Variants in GRIA3 observed in about 807,000 individuals in gnomAD.
GRIA3 encodes glutamate ionotropic receptor AMPA type subunit 3.
GRIA3 carries 3 observed loss-of-function variants against 63.0 expected under a neutral mutation model. That is an observed-to-expected ratio of 0.05 (90% CI 0.02 to 0.12). GRIA3 has a LOEUF of 0.12. GRIA3 is among the 10% of genes least tolerant of loss of function. The pLI is 1.00. For missense variants in GRIA3, 347 were observed against 700.9 expected, an observed-to-expected ratio of 0.50 and a Z score of 5.70; for synonymous variants, 274 against 257.9, an observed-to-expected ratio of 1.06 and a Z score of -0.60.
chrX:123,341,432 G>A (rs1175846743), intron 4 of GRIA3, among the ~76,000 whole-genome samples: 3 of 111,160 alleles, frequency 2.7e-5, no homozygotes, highest in African/African-American at 9.8e-5. Context: ...ACACTGAAAG[G>A]AAACCCAAGC....
At chrX:123,281,766 T>C (rs1193063955) in intron 3 of GRIA3, among the ~76,000 whole-genome samples, 1 of 111,920 alleles carries the variant, frequency 8.9e-6, no homozygotes, top group Non-Finnish European at 1.9e-5. Context: ...GATCAACTGA[T>C]AAAATTTTAA....
chrX:123,428,319 C>T (rs1251480327), intron 12 of GRIA3, among the ~76,000 whole-genome samples, 180 bp downstream of exon 12: 2 of 110,940 alleles, frequency 1.8e-5, no homozygotes, highest in Non-Finnish European at 3.8e-5. Flanking sequence ...AGAACCAAGA[C>T]TTGAGTAAGA....
intron 12 of GRIA3, among the ~76,000 whole-genome samples, chrX:123,445,707 A>C (rs1165031255): frequency 8.9e-6 from 1 of 112,503 alleles, no homozygotes; most frequent in Admixed American, 9.5e-5. Flanking sequence ...GAAAGCAATA[A>C]ATAGTAATTA....
intron 3 of GRIA3, among the ~76,000 whole-genome samples, chrX:123,258,606 C>T (rs922281688): frequency 7.2e-5 from 8 of 111,812 alleles, no homozygotes; most frequent in African/African-American, 2.3e-4. Flanking sequence ...GCCAGACTCT[C>T]GTGCACCTGA....
intron 2 of GRIA3, among the ~76,000 whole-genome samples, chrX:123,187,832 T>C (rs1250472962): frequency 9.0e-6 from 1 of 111,695 alleles, no homozygotes; most frequent in Non-Finnish European, 1.9e-5. Flanking sequence ...TCAGAAATGA[T>C]TCTTGCCATG....
intron 2 of GRIA3, among the ~76,000 whole-genome samples, chrX:123,242,265 C>G (rs1374549408): frequency 9.0e-6 from 1 of 111,575 alleles, no homozygotes; most frequent in East Asian, 2.8e-4. Context: ...GTTTGGGGAC[C>G]CATCTCACCC....
intron 5 of GRIA3, among the ~76,000 whole-genome samples, chrX:123,385,385 G>A (rs776788917): frequency 1.8e-5 from 2 of 111,499 alleles, no homozygotes; most frequent in East Asian, 2.8e-4. Flanking sequence ...TTTTGGTTAC[G>A]GTATCCCTGT....
intron 3 of GRIA3, among the ~76,000 whole-genome samples, chrX:123,259,693 A>G (rs1335042621): frequency 9.0e-6 from 1 of 111,680 alleles, no homozygotes; most frequent in African/African-American, 3.3e-5. Flanking sequence ...CATCTTTACA[A>G]CTGAGGAAAC....
chrX:123,415,244 C>T (rs1277118904), intron 10 of GRIA3, among the ~76,000 whole-genome samples: 2 of 111,727 alleles, frequency 1.8e-5, no homozygotes, highest in African/African-American at 3.3e-5. Context: ...TCTTTTGCTG[C>T]TAATCTAGGA....
chrX:123,412,057 A>T (rs1378769869), intron 10 of GRIA3, among the ~76,000 whole-genome samples: 1 of 111,861 alleles, frequency 8.9e-6, no homozygotes, highest in Non-Finnish European at 1.9e-5. Flanking sequence ...AAGAGCAGAG[A>T]CTAGGAAAGG....
In GRIA3 at chrX:123,462,136, C is replaced by G. The variant is rs144476426; in HGVS notation, c.2077-2729C>G. ...CTCCCACCCTAGTCCAAGCCACAGT[C>G]ATCTCCCCTCTGGAATATCAGAATA... On this transcript the variant is annotated intron_variant, in intron 12 of 15. Transcript: ENST00000620443. Among the ~76,000 whole-genome samples, 215 of 111,354 alleles carry G rather than the reference C, an allele frequency of 1.9e-3. 1 individual carries two copies. Among genetic ancestry groups the G allele is most frequent in the African/African-American group, 6.4e-3 (195 of 30,665 alleles).
chrX:123,295,508 C>T, intron 3 of GRIA3, among the ~76,000 whole-genome samples: 1 of 111,061 alleles, frequency 9.0e-6, no homozygotes, highest in Non-Finnish European at 1.9e-5. Flanking sequence ...TAACAAATGG[C>T]ATGGAGGGGT....
chrX:123,235,908 G>C (rs1320811879), intron 2 of GRIA3, among the ~76,000 whole-genome samples: 1 of 110,611 alleles, frequency 9.0e-6, no homozygotes, highest in Non-Finnish European at 1.9e-5. Context: ...AAGATTCTTA[G>C]TGAAGGTGAA....
At chrX:123,379,551 G>T (rs1434314870) in intron 5 of GRIA3, among the ~76,000 whole-genome samples, 1 of 107,286 alleles carries the variant, frequency 9.3e-6, no homozygotes, top group African/African-American at 3.4e-5. Flanking sequence ...TAAATCTGTC[G>T]CTAAACTCAG....
intron 2 of GRIA3, among the ~76,000 whole-genome samples, chrX:123,197,062 G>T (rs1463995604): frequency 8.9e-6 from 1 of 112,090 alleles, no homozygotes; most frequent in Non-Finnish European, 1.9e-5. Flanking sequence ...AGCAATAGGA[G>T]GGTGGTGGAA....
chrX:123,465,632 C>A, intron 13 of GRIA3: 1 of 996,609 alleles, frequency 1.0e-6, no homozygotes, highest in Non-Finnish European at 1.4e-6. Context: ...ATTTCCTAAG[C>A]ATTTGTGCAT....
chrX:123,471,990 C>CATATATATATATGTATAT, intron 13 of GRIA3, among the ~76,000 whole-genome samples: 1 of 13,415 alleles, frequency 7.5e-5, no homozygotes, highest in Non-Finnish European at 1.6e-4. Flanking sequence ...CAATGGCATT[C>CATATATATATATGTATAT]ATATATATAT....
intron 2 of GRIA3, among the ~76,000 whole-genome samples, chrX:123,219,648 C>A (rs1303710128): frequency 1.8e-5 from 2 of 111,881 alleles, no homozygotes; most frequent in Non-Finnish European, 3.8e-5. Flanking sequence ...GTCCTGGATG[C>A]CAGACTGTAC....
chrX:123,282,346 T>C (rs1435794314), intron 3 of GRIA3, among the ~76,000 whole-genome samples: 2 of 112,532 alleles, frequency 1.8e-5, no homozygotes, highest in Admixed American at 1.9e-4. Context: ...TACATGTCCA[T>C]GCACTGCAGT....
Sources: allele counts gnomAD v4.1 joint callset (sites outside exome capture counted in the v4.1 genomes callset), GRCh38; gene constraint gnomAD v4.1.1; transcripts MANE v1.5; gene names NCBI Gene and HGNC (gene_info 2026-07-23, HGNC 2026-07-21).